The following NEGR1 variants were observed in gnomAD, a reference collection of about 807,000 sequenced individuals.
NEGR1 encodes IgLON family member 4.
Under a neutral mutation model 40.9 loss-of-function variants are expected in NEGR1, and 10 were observed. The ratio of observed to expected loss-of-function variants is 0.24; its 90% CI spans 0.15 to 0.42. The LOEUF is 0.42. NEGR1 is among the 10% of genes least tolerant of loss of function. NEGR1 has a pLI of 1.00. For missense variants in NEGR1, 352 were observed against 438.9 expected (o/e 0.80, Z 1.77); for synonymous variants, 185 against 166.8 (o/e 1.11, Z -0.84).
At chr1:72,205,887 G>A (rs949628715) in intron 1 of NEGR1, among the ~76,000 whole-genome samples, 1 of 149,728 alleles carries the variant, frequency 6.7e-6, no homozygotes, top group Non-Finnish European at 1.5e-5. Flanking sequence ...AGGCTGCAAT[G>A]AGCCAAGATT....
At chr1:72,169,252 G>A (rs918163738) in intron 1 of NEGR1, among the ~76,000 whole-genome samples, 10 of 152,062 alleles carry the variant, frequency 6.6e-5, no homozygotes, top group Non-Finnish European at 1.2e-4. Context: ...GAAAGCATCA[G>A]ATGTAAATCA....
intron 6 of NEGR1, among the ~76,000 whole-genome samples, chr1:71,524,502 G>C (rs1464162111): frequency 2.0e-5 from 3 of 151,574 alleles, no homozygotes; most frequent in African/African-American, 7.3e-5. Flanking sequence ...CAAATAGCTT[G>C]TACTCTAACA....
intron 2 of NEGR1, among the ~76,000 whole-genome samples, chr1:71,837,487 C>T (rs543757255): frequency 3.3e-5 from 5 of 152,128 alleles, no homozygotes; most frequent in African/African-American, 1.2e-4. Context: ...CGTTAAAATA[C>T]ATTTTGTTGA....
intron 1 of NEGR1, among the ~76,000 whole-genome samples, chr1:72,081,586 GTTC>G (rs1442970523): frequency 2.6e-5 from 4 of 152,042 alleles, no homozygotes; most frequent in Non-Finnish European, 5.9e-5. Context: ...TAAGTAATGT[GTTC>G]TTTTCTGCAC....
intron 1 of NEGR1, among the ~76,000 whole-genome samples, chr1:72,281,658 C>G (rs1008509387): frequency 1.6e-4 from 24 of 149,720 alleles, no homozygotes; most frequent in African/African-American, 5.9e-4. Context: ...ATGTGAGGAA[C>G]AGAAATTAGA....
chr1:71,608,749 T>A (rs1397002294), intron 5 of NEGR1, among the ~76,000 whole-genome samples: 1 of 152,198 alleles, frequency 6.6e-6, no homozygotes, highest in Non-Finnish European at 1.5e-5. Flanking sequence ...ACTCCTGCAA[T>A]GATGTCCTAA....
intron 6 of NEGR1, among the ~76,000 whole-genome samples, chr1:71,428,027 AAC>A (rs530129288): frequency 6.6e-6 from 1 of 151,720 alleles, no homozygotes; most frequent in Non-Finnish European, 1.5e-5. Flanking sequence ...CATGCACACA[AAC>A]ACACACACTG....
chr1:72,188,859 A>T (rs1425327247), intron 1 of NEGR1, among the ~76,000 whole-genome samples: 3 of 151,556 alleles, frequency 2.0e-5, no homozygotes, highest in African/African-American at 7.2e-5. Context: ...TTCAATTTTG[A>T]ATGACTTATA....
intron 1 of NEGR1, among the ~76,000 whole-genome samples, chr1:71,935,811 T>G (rs1645900146): frequency 1.3e-5 from 2 of 152,118 alleles, no homozygotes; most frequent in Non-Finnish European, 2.9e-5. Context: ...GTTTCTTTCT[T>G]TATTTGAGGC....
At chr1:72,250,314 G>C (rs1195568329) in intron 1 of NEGR1, among the ~76,000 whole-genome samples, 1 of 151,760 alleles carries the variant, frequency 6.6e-6, no homozygotes, top group Admixed American at 6.6e-5. Context: ...TCTTCCCCTG[G>C]GGAACTCTGA....
At chr1:72,010,555 C>A (rs1051599967) in intron 1 of NEGR1, among the ~76,000 whole-genome samples, 1 of 152,080 alleles carries the variant, frequency 6.6e-6, no homozygotes, top group African/African-American at 2.4e-5. Context: ...ACCTGCCAGT[C>A]TCAACTAAAG....
intron 4 of NEGR1, among the ~76,000 whole-genome samples, chr1:71,633,969 A>G (rs1651059424): frequency 1.3e-5 from 2 of 152,112 alleles, no homozygotes; most frequent in South Asian, 4.1e-4. Context: ...ACTTATAAAC[A>G]AGGAGTGGAA....
chr1:71,646,378 T>C (rs1411937881), intron 4 of NEGR1, among the ~76,000 whole-genome samples: 1 of 151,810 alleles, frequency 6.6e-6, no homozygotes, highest in Non-Finnish European at 1.5e-5. Flanking sequence ...AAGCATAGTC[T>C]AGAAATTTAT....
intron 1 of NEGR1, among the ~76,000 whole-genome samples, chr1:72,019,046 T>C (rs1022514345): frequency 6.6e-6 from 1 of 152,060 alleles, no homozygotes; most frequent in Non-Finnish European, 1.5e-5. Context: ...ATTCGATATG[T>C]ATTTTGGTGT....
intron 1 of NEGR1, among the ~76,000 whole-genome samples, chr1:72,148,375 G>C (rs997449729): frequency 4.6e-5 from 7 of 151,944 alleles, no homozygotes; most frequent in Admixed American, 2.6e-4. Context: ...GTGATGGCTC[G>C]AGTGGCTGGG....
chr1:71,700,917 T>C (rs1362622494), intron 3 of NEGR1, among the ~76,000 whole-genome samples: 1 of 151,728 alleles, frequency 6.6e-6, no homozygotes, highest in Non-Finnish European at 1.5e-5. Flanking sequence ...AGATGAAAAA[T>C]GATAAAGGCT....
intron 2 of NEGR1, among the ~76,000 whole-genome samples, chr1:71,909,925 A>G (rs895488782): frequency 3.3e-5 from 5 of 152,242 alleles, no homozygotes; most frequent in Non-Finnish European, 5.9e-5. Flanking sequence ...CTCTATAAAT[A>G]GTATAGAGAT....
intron 1 of NEGR1, among the ~76,000 whole-genome samples, chr1:72,229,735 A>C (rs1654300813): frequency 6.6e-6 from 1 of 151,960 alleles, no homozygotes; most frequent in African/African-American, 2.4e-5. Flanking sequence ...CTGTAAAATT[A>C]AACTTTTTTA....
chr1:72,121,689 G>A (rs1649811235), intron 1 of NEGR1, among the ~76,000 whole-genome samples: 1 of 151,752 alleles, frequency 6.6e-6, no homozygotes, highest in East Asian at 1.9e-4. Flanking sequence ...TCTATCAATT[G>A]ATCTGTAAGA....
Sources: gnomAD v4.1 joint callset for allele counts (sites outside exome capture counted in the v4.1 genomes callset) on GRCh38, gnomAD v4.1.1 for gene constraint, MANE v1.5 for transcripts, NCBI Gene and HGNC (gene_info 2026-07-23, HGNC 2026-07-21) for gene names.